PRDM16: variants seen among roughly 807,000 people sequenced by gnomAD.
PRDM16 encodes PR/SET domain 16.
A neutral mutation model predicts 110.6 loss-of-function variants in PRDM16; 23 were observed. That is an observed-to-expected ratio of 0.21 (90% CI 0.15 to 0.29). The LOEUF (loss-of-function observed/expected upper bound fraction) is 0.29, where lower values mean the gene tolerates loss of function less well. Ranked by LOEUF, PRDM16 falls within the 10% of genes least tolerant of loss-of-function variation. PRDM16 has a pLI of 1.00. For missense variants in PRDM16, 1,615 were observed against 1,794.3 expected (o/e 0.90, Z 1.81); for synonymous variants, 799 against 781.8 (o/e 1.02, Z -0.37).
At chr1:3,178,108 A>G (rs12745073) in intron 1 of PRDM16, among the ~76,000 whole-genome samples, 42,976 of 152,112 alleles carry the variant, frequency 0.28, 6,181 homozygotes, top group Admixed American at 0.36. Context: ...TGGCGAGCTG[A>G]GGAGTGGATC....
chr1:3,375,583 T>C (rs551881888), intron 3 of PRDM16, among the ~76,000 whole-genome samples: 2 of 152,126 alleles, frequency 1.3e-5, no homozygotes, highest in Non-Finnish European at 2.9e-5. Context: ...TTTGGGGACA[T>C]ACCAGGAGCA....
chr1:3,185,754 C>T (rs966097244), intron 1 of PRDM16, among the ~76,000 whole-genome samples: 19 of 152,370 alleles, frequency 1.2e-4, no homozygotes, highest in African/African-American at 4.6e-4. Flanking sequence ...CCGGCTGTCC[C>T]CAGGCTTGCA....
chr1:3,418,438 C>A (rs547819360), intron 11 of PRDM16, among the ~76,000 whole-genome samples: 80 of 152,316 alleles, frequency 5.3e-4, no homozygotes, highest in African/African-American at 1.8e-3. Context: ...GGCCGAGACG[C>A]TTCAGGGGGC....
At chr1:3,233,690 A>G (rs1639472396) in intron 2 of PRDM16, among the ~76,000 whole-genome samples, 1 of 152,106 alleles carries the variant, frequency 6.6e-6, no homozygotes, top group Admixed American at 6.5e-5. Flanking sequence ...CCGACGTTAG[A>G]TTGTCCCATC....
chr1:3,397,818 G>T (rs895205768), intron 5 of PRDM16, among the ~76,000 whole-genome samples: 2 of 152,224 alleles, frequency 1.3e-5, no homozygotes, highest in African/African-American at 4.8e-5. Context: ...GTGCTGGAAT[G>T]AGCAGGAAGG....
chr1:3,199,453 C>T (rs1207345553), intron 2 of PRDM16, among the ~76,000 whole-genome samples: 1 of 152,194 alleles, frequency 6.6e-6, no homozygotes, highest in African/African-American at 2.4e-5. Flanking sequence ...GTTCCACCTA[C>T]AGAGGCTGGC....
chr1:3,410,108 G>T (rs1308371027), intron 8 of PRDM16, among the ~76,000 whole-genome samples: 1 of 149,968 alleles, frequency 6.7e-6, no homozygotes, highest in African/African-American at 2.5e-5. Flanking sequence ...GTGTGTGTGC[G>T]TGTGTGTGGT....
At position 3,244,185 on chromosome 1, in the gene PRDM16, G is replaced by C. The variant is rs1334683934; in HGVS notation, c.438+48G>C. 1 of 1,587,234 alleles carries C rather than the reference G, an allele frequency of 6.3e-7. No homozygotes were observed. The highest frequency in any genetic ancestry group is 8.6e-7 in the Non-Finnish European group (1 of 1,157,198). ...GTCTCAGCTCCCCAGCGTCCTCGGA[G>C]CTCCTGGCGGGGCGACCGCCATCCC... On this transcript the variant is annotated intron_variant, in intron 3 of 16. Coordinates refer to ENST00000270722, the MANE Select transcript of PRDM16 (RefSeq NM_022114.4). The surrounding 1 kb of genome is among the most constrained non-coding windows in gnomAD (Gnocchi z 4.1).
rs1414358883 is a variant in PRDM16, at chr1:3,396,491, A to G, written c.574A>G (p.Ile192Val). ...NLTMCQISEQIYYKVIKDIEP... is the reference protein window; with the variant it reads ...NLTMCQISEQVYYKVIKDIEP... Reference sequence around the variant, plus strand: ...TTTCTCTCTGGTCTCTCCATCCTAGATTTACTATAAAGTCATTAAGGACAT... The same window carrying G: ...TTTCTCTCTGGTCTCTCCATCCTAGGTTTACTATAAAGTCATTAAGGACAT... Residue 192 changes from isoleucine to valine, a missense_variant and splice_region_variant, in exon 5 of 17, where the codon ATT (isoleucine) becomes GTT (valine). By Grantham distance (29) the Ile-to-Val change is conservative (BLOSUM62 3). Coordinates refer to ENST00000270722, the MANE Select transcript of PRDM16 (RefSeq NM_022114.4). 1.3e-6 allele frequency: 2 copies of G among 1,560,090 alleles called. No homozygotes were observed. Among genetic ancestry groups the G allele is most frequent in the Non-Finnish European group, 1.8e-6 (2 of 1,139,424 alleles).
chr1:3,285,173 C>A (rs904333186), intron 3 of PRDM16, among the ~76,000 whole-genome samples: 37 of 152,258 alleles, frequency 2.4e-4, no homozygotes, highest in African/African-American at 8.4e-4. Flanking sequence ...ACTGGGCAAA[C>A]CTAGGGTGAG....
At chr1:3,073,251 G>A (rs921912919) in intron 1 of PRDM16, among the ~76,000 whole-genome samples, 3 of 152,366 alleles carry the variant, frequency 2.0e-5, no homozygotes, top group Non-Finnish European at 4.4e-5. Flanking sequence ...AGGTGAGGCT[G>A]GTGGCAGCTC....
At chr1:3,087,346 G>A (rs1317886953) in intron 1 of PRDM16, among the ~76,000 whole-genome samples, 6 of 152,118 alleles carry the variant, frequency 3.9e-5, no homozygotes, top group African/African-American at 9.7e-5. Flanking sequence ...AAGAGGCCCC[G>A]TAATCTTAGC....
chr1:3,322,053 G>A (rs1282720803), intron 3 of PRDM16, among the ~76,000 whole-genome samples: 1 of 151,252 alleles, frequency 6.6e-6, no homozygotes, highest in Non-Finnish European at 1.5e-5. Flanking sequence ...TGGAGGTCGT[G>A]TGTGTGTGGG....
intron 16 of PRDM16, among the ~76,000 whole-genome samples, chr1:3,432,512 C>T (rs1208644459): frequency 6.6e-6 from 1 of 152,228 alleles, no homozygotes; most frequent in Non-Finnish European, 1.5e-5. Flanking sequence ...CGGGCTTTTC[C>T]CGGGGGAAGA....
intron 8 of PRDM16, 56 bp from the exon 9 acceptor site, chr1:3,411,328 G>A: frequency 6.5e-7 from 1 of 1,544,342 alleles, no homozygotes; most frequent in Non-Finnish European, 8.8e-7. Context: ...GGCGTTTTCA[G>A]CAGGGTTTCC....
chr1:3,222,014 C>G (rs1272947825), intron 2 of PRDM16, among the ~76,000 whole-genome samples: 1 of 152,196 alleles, frequency 6.6e-6, no homozygotes, highest in Non-Finnish European at 1.5e-5. Context: ...CTCCCTAGAC[C>G]CTGGAGGGCG....
At chr1:3,296,846 G>GA (rs1460387102) in intron 3 of PRDM16, among the ~76,000 whole-genome samples, 1 of 152,222 alleles carries the variant, frequency 6.6e-6, no homozygotes, top group Non-Finnish European at 1.5e-5. Flanking sequence ...ACTGCGAGTT[G>GA]AAAATATCCT....
intron 11 of PRDM16, among the ~76,000 whole-genome samples, chr1:3,418,274 G>C (rs960241592): frequency 2.0e-5 from 3 of 152,254 alleles, no homozygotes; most frequent in Non-Finnish European, 4.4e-5. Context: ...GTGCTGGTCA[G>C]TGACTAACCT....
At chr1:3,199,194 G>A (rs1044872821) in intron 2 of PRDM16, among the ~76,000 whole-genome samples, 12 of 152,172 alleles carry the variant, frequency 7.9e-5, no homozygotes, top group African/African-American at 1.4e-4. Context: ...CTGGATCCTC[G>A]GGGACAGAAG....
Sources: gnomAD v4.1 joint callset for allele counts (sites outside exome capture counted in the v4.1 genomes callset) on GRCh38, gnomAD v4.1.1 for gene constraint, Gnocchi (gnomAD v3.1) non-coding constraint, MANE v1.5 for transcripts, NCBI Gene and HGNC (gene_info 2026-07-23, HGNC 2026-07-21) for gene names.